Variants in CPLANE1 observed in about 807,000 individuals in gnomAD.
CPLANE1 encodes the protein ciliogenesis and planar polarity effector 1.
In CPLANE1, 263 loss-of-function variants were observed where a neutral mutation model predicts 362.5. The observed-to-expected ratio is 0.73, with a 90% CI of 0.66 to 0.80. The LOEUF is 0.80. Among genes scored for constraint, CPLANE1 ranks in the 30% least tolerant of loss-of-function variants. The probability of loss-of-function intolerance (pLI) is 0.00; values close to 1 mark genes in which losing one functional copy is unlikely to be tolerated. For missense variants in CPLANE1, 3,461 were observed against 3,793.4 expected (o/e 0.91, Z 2.30); for synonymous variants, 1,212 against 1,302.6 (o/e 0.93, Z 1.50).
intron 43 of CPLANE1, 23 bp downstream of exon 43, chr5:37,148,158 A>C: frequency 6.3e-7 from 1 of 1,576,868 alleles, no homozygotes; most frequent in Non-Finnish European, 8.7e-7. Context: ...GACTTCAGCC[A>C]GCCCCTATCA....
chr5:37,194,659 T>C (rs909142153), intron 21 of CPLANE1, among the ~76,000 whole-genome samples: 1 of 138,366 alleles, frequency 7.2e-6, no homozygotes, highest in African/African-American at 2.9e-5. Context: ...AGAATAAACT[T>C]TTTTTTTTTT....
At chr5:37,105,135 T>C (rs1413479883), downstream of CPLANE1, among the ~76,000 whole-genome samples, 1 of 151,534 alleles carries the variant, frequency 6.6e-6, no homozygotes, top group East Asian at 2.0e-4. Context: ...ACTGTCTCTA[T>C]GAAAACTACA....
At chr5:37,234,696 T>C (rs1798547877) in intron 8 of CPLANE1, among the ~76,000 whole-genome samples, 1 of 152,090 alleles carries the variant, frequency 6.6e-6, no homozygotes, top group African/African-American at 2.4e-5. Context: ...GGAGGCCCAG[T>C]GATCCCCATG....
Position 37,167,155 on chromosome 5 carries a change from T to C in CPLANE1, c.7292A>G (p.Gln2431Arg), listed in dbSNP as rs769003125. 1.9e-6 allele frequency: 3 copies of C among 1,613,654 alleles called. No homozygotes were observed. Among genetic ancestry groups the C allele is most frequent in the Non-Finnish European group, 2.5e-6 (3 of 1,179,840 alleles). Reference protein sequence around the residue: ...ENLIAFKQSQQKLTHNLFEQG... With the variant: ...ENLIAFKQSQRKLTHNLFEQG... The stretch of plus-strand genomic sequence containing the variant: ...TTCAAATAAATTATGTGTTAGTTTC[T>C]GTTGGCTTTGTTTAAACGCAATGAG... Residue 2431 changes from glutamine (Q) to arginine (R), a missense_variant, in exon 35 of 53, where the codon CAG becomes CGG. Transcript: ENST00000651892.
At chr5:37,156,435 C>G (rs1486079153) in intron 41 of CPLANE1, among the ~76,000 whole-genome samples, 1 of 152,034 alleles carries the variant, frequency 6.6e-6, no homozygotes, top group Non-Finnish European at 1.5e-5. Flanking sequence ...GAGACCCTGT[C>G]TCTATGAAAA....
At position 37,121,555 on chromosome 5, in the gene CPLANE1, T is replaced by A. The variant is rs1030734277; in HGVS notation, c.9185+62A>T. ...CACTGAACTTAGGTCACGAAAGTGCTACATTTCTTCTTATCAGGCCTGACG... is the reference window on the plus strand; with the variant it reads ...CACTGAACTTAGGTCACGAAAGTGCAACATTTCTTCTTATCAGGCCTGACG... On this transcript the variant is annotated intron_variant, in intron 49 of 52. Transcript: ENST00000651892. 4 of 1,492,868 alleles carry A rather than the reference T, an allele frequency of 2.7e-6. No homozygotes were observed. The African/African-American group carries it at 4.1e-5, about 15-fold the overall frequency. The allele number at this position is 1,492,868 out of a possible 1,614,324, so 92.5% of individuals were successfully genotyped here. A position where few individuals can be genotyped will look rare whatever the true frequency, so the allele number is the denominator to read the frequency against.
Position 37,140,837 on chromosome 5 carries a change from A to T in CPLANE1, c.8633-1467T>A, listed in dbSNP as rs1769484228. 13 of 982,076 alleles carry T rather than the reference A, an allele frequency of 1.3e-5. No homozygotes were observed. The South Asian group carries it at 5.7e-4, about 43-fold the overall frequency. 60.8% of individuals were successfully genotyped at this position (982,076 alleles called of 1,614,324 possible). A position where few individuals can be genotyped will look rare whatever the true frequency, so the allele number is the denominator to read the frequency against. On this transcript the variant is annotated intron_variant, in intron 44 of 52. Transcript: ENST00000651892. ...ACCAAGTAAACGTTCTTAAAACATT[A>T]TGAGATTTATGCATGGACTTTTTTT... is the stretch of plus-strand genomic sequence containing the variant.
At chr5:37,110,072 T>TA (rs748855813) in intron 51 of CPLANE1, among the ~76,000 whole-genome samples, 29 of 152,226 alleles carry the variant, frequency 1.9e-4, no homozygotes, top group Non-Finnish European at 3.4e-4. Context: ...GTTAAAACCC[T>TA]AGCCCAAGCA....
At position 37,209,102 on chromosome 5, in the gene CPLANE1, C is replaced by G. The variant is rs1234102829; in HGVS notation, c.2921-2677G>C. Among the ~76,000 whole-genome samples, 1 of 152,242 alleles carries G rather than the reference C, an allele frequency of 6.6e-6. No homozygotes were observed. Among genetic ancestry groups the G allele is most frequent in the Non-Finnish European group, 1.5e-5 (1 of 68,044 alleles). On this transcript the variant is annotated intron_variant, in intron 16 of 52. Transcript: ENST00000651892. The surrounding 1 kb of genome is among the most constrained non-coding windows in gnomAD (Gnocchi z 4.6). ...CTCCGGGTCCCCGCCCTCCAGCCGC[C>G]TTTGATTCGTGACTGGGTCACGGTC...
chr5:37,176,728 T>A (rs1781251828), intron 30 of CPLANE1, among the ~76,000 whole-genome samples: 1 of 151,280 alleles, frequency 6.6e-6, no homozygotes, highest in African/African-American at 2.4e-5. Context: ...AAAATTTGCA[T>A]ACTGAACAGA....
intron 51 of CPLANE1, among the ~76,000 whole-genome samples, chr5:37,113,400 C>T (rs563810751): frequency 6.6e-6 from 1 of 152,330 alleles, no homozygotes; most frequent in African/African-American, 2.4e-5. Context: ...GATTGTGAGG[C>T]CTCCACAGCC....
At chr5:37,179,537 T>A in intron 28 of CPLANE1, 94 bp from the exon 29 acceptor site, 1 of 765,542 alleles carries the variant, frequency 1.3e-6, no homozygotes, top group South Asian at 1.6e-5. Flanking sequence ...AGAAACAATA[T>A]AATGACAGAA....
At chr5:37,138,117 G>C (rs548212753) in intron 46 of CPLANE1, among the ~76,000 whole-genome samples, 1 of 152,250 alleles carries the variant, frequency 6.6e-6, no homozygotes, top group Non-Finnish European at 1.5e-5. Context: ...TTGATGATAT[G>C]TCCAACTTTG....
At chr5:37,076,796 A>AT in the CPLANE1 span, among the ~76,000 whole-genome samples, 4 of 148,174 alleles carry the variant, frequency 2.7e-5, no homozygotes, top group African/African-American at 5.0e-5. Context: ...TTTAATTTGG[A>AT]TTTTCCCTTT....
At chr5:37,192,871 A>C (rs1220936778) in intron 21 of CPLANE1, among the ~76,000 whole-genome samples, 3 of 145,846 alleles carry the variant, frequency 2.1e-5, no homozygotes, top group Non-Finnish European at 4.5e-5. Context: ...AAAAAAAAAA[A>C]CAAATACCTC....
At chr5:37,109,117 G>A (rs922131280) in intron 51 of CPLANE1, among the ~76,000 whole-genome samples, 3 of 152,066 alleles carry the variant, frequency 2.0e-5, no homozygotes, top group African/African-American at 4.8e-5. Flanking sequence ...TCTACCCTTC[G>A]AGGTGATTTC....
At chr5:37,078,367 G>A in the CPLANE1 span, among the ~76,000 whole-genome samples, 1 of 152,150 alleles carries the variant, frequency 6.6e-6, no homozygotes, top group Non-Finnish European at 1.5e-5. Flanking sequence ...CCATGCAAAT[G>A]ACAAGATCTT....
intron 38 of CPLANE1, among the ~76,000 whole-genome samples, chr5:37,158,860 C>A (rs530310189): frequency 4.0e-5 from 6 of 149,868 alleles, no homozygotes; most frequent in Admixed American, 6.7e-5. Context: ...ATGATCTAAG[C>A]TCATTGCAAC....
At chr5:37,084,778 A>G in the CPLANE1 span, among the ~76,000 whole-genome samples, 3 of 151,468 alleles carry the variant, frequency 2.0e-5, no homozygotes, top group Non-Finnish European at 2.9e-5. Context: ...CTTTAAAAAA[A>G]GATATCTTTT....
Sources: allele counts gnomAD v4.1 joint callset (sites outside exome capture counted in the v4.1 genomes callset), GRCh38; gene constraint gnomAD v4.1.1; non-coding constraint Gnocchi (gnomAD v3.1); transcripts MANE v1.5; gene names NCBI Gene and HGNC (gene_info 2026-07-23, HGNC 2026-07-21).